The following CCDC33 variants were observed in gnomAD, a reference collection of about 807,000 sequenced individuals.
CCDC33 encodes the protein coiled-coil domain containing 33.
A neutral mutation model predicts 91.9 loss-of-function variants in CCDC33; 94 were observed. That is an observed-to-expected ratio of 1.02 (90% CI 0.87 to 1.21). CCDC33 has a LOEUF of 1.21. Ranked by LOEUF, CCDC33 falls within the 50% of genes most tolerant of loss-of-function variation. The pLI is 0.00. For missense variants in CCDC33, 940 were observed against 935.5 expected (o/e 1.00, Z -0.06); for synonymous variants, 396 against 374.5 (o/e 1.06, Z -0.66).
At chr15:74,325,541 T>C (rs1179124881) in intron 11 of CCDC33, among the ~76,000 whole-genome samples, 1 of 151,092 alleles carries the variant, frequency 6.6e-6, no homozygotes, top group Non-Finnish European at 1.5e-5. Context: ...TGGGAGACCA[T>C]CACAAGCAGG....
upstream of CCDC33, among the ~76,000 whole-genome samples, chr15:74,232,366 TG>T (rs1366114552): frequency 1.3e-5 from 2 of 152,252 alleles, no homozygotes; most frequent in East Asian, 3.9e-4. Context: ...TACAGCGCCT[TG>T]GGGGCTGGAA....
chr15:74,215,319 C>T (rs917502265), upstream of CCDC33, among the ~76,000 whole-genome samples: 3 of 151,686 alleles, frequency 2.0e-5, no homozygotes, highest in African/African-American at 7.3e-5. Flanking sequence ...CTATGAAGCA[C>T]TGAGTATTCA....
At chr15:74,335,677 A>C in intron 18 of CCDC33, 12 of 415,760 alleles carry the variant, frequency 2.9e-5, no homozygotes, top group Non-Finnish European at 3.5e-5. Context: ...GCTCCTGGGA[A>C]AGGCCTGGAA....
At chr15:74,310,773 C>A (rs573865442) in intron 11 of CCDC33, among the ~76,000 whole-genome samples, 1 of 152,194 alleles carries the variant, frequency 6.6e-6, no homozygotes, top group Non-Finnish European at 1.5e-5. Flanking sequence ...CCATGGGGGA[C>A]TCTCAGGGAT....
At chr15:74,331,412 G>A in intron 15 of CCDC33, 116 bp downstream of exon 15, 1 of 1,030,288 alleles carries the variant, frequency 9.7e-7, no homozygotes, top group East Asian at 2.6e-5. Context: ...CCTGCACTCA[G>A]TTATGTCTGT....
chr15:74,273,830 A>ATTTTT lies in CCDC33; in HGVS notation c.759+952_759+956dup, dbSNP rs34131427. Among the ~76,000 whole-genome samples, 135 of 132,474 alleles carry ATTTTT rather than the reference A, an allele frequency of 1.0e-3. 2 individuals carry two copies. Among genetic ancestry groups the ATTTTT allele is most frequent in the South Asian group, 5.8e-3 (24 of 4,136 alleles). The allele number at this position is 132,474 out of a possible 152,430, so 86.9% of individuals were successfully genotyped here. ...CCTGGATTAGGGAAGGCAGTCTTGA[A>ATTTTT]TTTTTTTTTTTTTTTTTGAGACAGA... is the stretch of plus-strand genomic sequence containing the variant. On this transcript the variant is annotated intron_variant, in intron 7 of 18. Transcript: ENST00000398814.
chr15:74,268,440 C>T lies in CCDC33; in HGVS notation c.528C>T (p.Cys176=). 6.4e-7 allele frequency: 1 copy of T among 1,553,748 alleles called. No homozygotes were observed. Among genetic ancestry groups the T allele is most frequent in the Non-Finnish European group, 8.7e-7 (1 of 1,148,942 alleles). Reference sequence around the variant, plus strand: ...GCTTCATACCCCGCTACATCGGCTGCAACCACATGGCTCTGGAGGTACCAG... The same window carrying T: ...GCTTCATACCCCGCTACATCGGCTGTAACCACATGGCTCTGGAGGTACCAG... ...KSSFIPRYIG[C]NHMALEIFLR... is the part of the protein sequence containing the mutation. The change falls in exon 5 of 19, where the codon TGC becomes TGT. Residue 176 remains cysteine, a synonymous_variant. Coordinates refer to ENST00000398814, the MANE Select transcript of CCDC33 (RefSeq NM_025055.5).
intron 11 of CCDC33, among the ~76,000 whole-genome samples, chr15:74,318,185 A>C (rs1184443041): frequency 1.3e-5 from 2 of 151,230 alleles, no homozygotes; most frequent in East Asian, 3.9e-4. Flanking sequence ...GGTGAGGCTC[A>C]GTGGGAGAGA....
intron 11 of CCDC33, among the ~76,000 whole-genome samples, chr15:74,317,853 C>T (rs532829695): frequency 3.7e-4 from 55 of 149,094 alleles, no homozygotes; most frequent in South Asian, 1.9e-3. Flanking sequence ...TGACCAGGGC[C>T]GTTTCTAGGT....
chr15:74,241,094 C>T (rs2075333651), intron 1 of CCDC33, among the ~76,000 whole-genome samples: 1 of 152,170 alleles, frequency 6.6e-6, no homozygotes, highest in Non-Finnish European at 1.5e-5. Flanking sequence ...GGGGCATCTT[C>T]CCCTCCCCTC....
chr15:74,315,868 A>G lies in CCDC33; in HGVS notation c.1291-14321A>G, dbSNP rs529209329. Among the ~76,000 whole-genome samples, 6 of 152,246 alleles carry G rather than the reference A, an allele frequency of 3.9e-5. No individual in the cohort carries two copies. The East Asian group carries it at 1.2e-3, about 29-fold the overall frequency. On this transcript the variant is annotated intron_variant, in intron 11 of 18. Transcript: ENST00000398814. ...TGTGGAGGGGGAGGGGGACAGGAGCAGGACCACAGGGACCTTGACCGCCAA... is the reference window on the plus strand; with the variant it reads ...TGTGGAGGGGGAGGGGGACAGGAGCGGGACCACAGGGACCTTGACCGCCAA...
At chr15:74,214,983 T>G (rs1399134362), upstream of CCDC33, among the ~76,000 whole-genome samples, 2 of 152,178 alleles carry the variant, frequency 1.3e-5, no homozygotes, top group African/African-American at 4.8e-5. Flanking sequence ...CACACAAACA[T>G]GATTCCTGAA....
At chr15:74,224,590 A>T (rs2074726878) in intron 2 of CCDC33, among the ~76,000 whole-genome samples, 1 of 152,182 alleles carries the variant, frequency 6.6e-6, no homozygotes, top group South Asian at 2.1e-4. Flanking sequence ...GGAAGTCAGG[A>T]GGACCTGGAT....
chr15:74,226,082 C>T (rs891796160), intron 2 of CCDC33, among the ~76,000 whole-genome samples: 1 of 152,220 alleles, frequency 6.6e-6, no homozygotes, highest in African/African-American at 2.4e-5. Context: ...CATTCATTCA[C>T]TTTCCCAAGC....
intron 1 of CCDC33, among the ~76,000 whole-genome samples, chr15:74,204,551 C>G (rs1429804326): frequency 6.6e-6 from 1 of 152,244 alleles, no homozygotes; most frequent in Non-Finnish European, 1.5e-5. Context: ...AAATCCACCT[C>G]CAACCATTGG....
At chr15:74,293,850 G>A (rs190446231) in intron 10 of CCDC33, among the ~76,000 whole-genome samples, 1 of 152,166 alleles carries the variant, frequency 6.6e-6, no homozygotes, top group Admixed American at 6.5e-5. Context: ...GGAGTTGGGG[G>A]ACATAGAGCC....
At chr15:74,223,773 T>A (rs58698236) in intron 2 of CCDC33, among the ~76,000 whole-genome samples, 2 of 35,066 alleles carry the variant, frequency 5.7e-5, no homozygotes, top group African/African-American at 2.2e-4. Flanking sequence ...CACGCAAGCA[T>A]GCACACACAC....
chr15:74,293,411 C>T (rs2142580319), intron 10 of CCDC33, among the ~76,000 whole-genome samples: 1 of 152,318 alleles, frequency 6.6e-6, no homozygotes, highest in African/African-American at 2.4e-5. Context: ...ATTCATCCAT[C>T]CATTCATCCA....
At chr15:74,326,873 C>G (rs983292391) in intron 11 of CCDC33, among the ~76,000 whole-genome samples, 3 of 152,124 alleles carry the variant, frequency 2.0e-5, no homozygotes, top group African/African-American at 7.2e-5. Flanking sequence ...CCTTCCTGTT[C>G]TCAAGGCTGG....
Sources: gnomAD v4.1 joint callset for allele counts (sites outside exome capture counted in the v4.1 genomes callset) on GRCh38, gnomAD v4.1.1 for gene constraint, MANE v1.5 for transcripts, NCBI Gene and HGNC (gene_info 2026-07-23, HGNC 2026-07-21) for gene names.